EBF1: variants seen among roughly 807,000 people sequenced by gnomAD.
EBF1 encodes transcription factor COE1.
A neutral mutation model predicts 68.4 loss-of-function variants in EBF1; 10 were observed. That is an observed-to-expected ratio of 0.15 (90% confidence interval 0.09 to 0.25). EBF1 has a LOEUF of 0.25. Ranked by LOEUF, EBF1 falls within the 10% of genes least tolerant of loss-of-function variation. The pLI, the probability that EBF1 is intolerant of heterozygous loss-of-function variation, is 1.00. For missense variants in EBF1, 509 were observed against 794.4 expected (o/e 0.64, Z 4.32); for synonymous variants, 298 against 299.8 (o/e 0.99, Z 0.06).
chr5:158,962,954 C>G (rs1391627622), intron 6 of EBF1, among the ~76,000 whole-genome samples: 1 of 152,160 alleles, frequency 6.6e-6, no homozygotes, highest in Non-Finnish European at 1.5e-5. Context: ...ATAACACTGC[C>G]CTATAGACAG....
chr5:158,851,498 AG>A (rs1178020663), intron 6 of EBF1, among the ~76,000 whole-genome samples: 1 of 64,732 alleles, frequency 1.5e-5, no homozygotes, highest in Non-Finnish European at 2.9e-5. Flanking sequence ...AGGAAAGAAG[AG>A]GGGGGAGAAG....
At chr5:159,004,536 AGGT>A (rs1763183044) in intron 6 of EBF1, among the ~76,000 whole-genome samples, 1 of 22,620 alleles carries the variant, frequency 4.4e-5, no homozygotes, top group African/African-American at 1.1e-4. Context: ...GAGAGGTAGT[AGGT>A]AGGTAGGTAG....
intron 6 of EBF1, among the ~76,000 whole-genome samples, chr5:158,986,676 T>A (rs574789338): frequency 8.5e-5 from 13 of 152,282 alleles, no homozygotes; most frequent in Non-Finnish European, 1.6e-4. Flanking sequence ...AAGCTACCCA[T>A]TTGTGGACTT....
At chr5:158,820,120 G>A (rs1027989243) in intron 8 of EBF1, among the ~76,000 whole-genome samples, 4 of 152,064 alleles carry the variant, frequency 2.6e-5, no homozygotes, top group African/African-American at 9.7e-5. Flanking sequence ...GATATAAATA[G>A]AGATTTGCAG....
chr5:159,051,858 C>T (rs1158374301), intron 6 of EBF1, among the ~76,000 whole-genome samples: 2 of 152,098 alleles, frequency 1.3e-5, no homozygotes, highest in Non-Finnish European at 2.9e-5. Flanking sequence ...AAAGTCATCT[C>T]GGCCACCACC....
intron 11 of EBF1, among the ~76,000 whole-genome samples, chr5:158,728,654 C>A (rs1019120559): frequency 6.6e-6 from 1 of 152,190 alleles, no homozygotes; most frequent in Non-Finnish European, 1.5e-5. Context: ...GCCTTGACCA[C>A]CTAGGCTTAA....
At chr5:158,792,513 A>G (rs1778838631) in intron 9 of EBF1, among the ~76,000 whole-genome samples, 1 of 152,234 alleles carries the variant, frequency 6.6e-6, no homozygotes, top group African/African-American at 2.4e-5. Context: ...TTAGCTAAAA[A>G]AAGACTCTAA....
At chr5:158,820,070 A>G (rs758681042) in intron 8 of EBF1, among the ~76,000 whole-genome samples, 2 of 152,146 alleles carry the variant, frequency 1.3e-5, no homozygotes, top group African/African-American at 2.4e-5. Flanking sequence ...CAGAAAGGTG[A>G]GCCACAAAAG....
At chr5:158,725,289 C>A (rs1025261564) in intron 11 of EBF1, among the ~76,000 whole-genome samples, 1 of 152,212 alleles carries the variant, frequency 6.6e-6, no homozygotes, top group African/African-American at 2.4e-5. Context: ...GGTCCACAAC[C>A]CCTCCTTCCC....
chr5:158,712,869 G>A, intron 13 of EBF1, 101 bp downstream of exon 13: 1 of 1,174,548 alleles, frequency 8.5e-7, no homozygotes, highest in Admixed American at 3.0e-5. Flanking sequence ...TCTCCCTTTT[G>A]GGATGAAAAT....
chr5:158,900,685 A>G (rs181555983), intron 6 of EBF1, among the ~76,000 whole-genome samples: 6 of 152,362 alleles, frequency 3.9e-5, no homozygotes, highest in Non-Finnish European at 8.8e-5. Flanking sequence ...AACAATGATC[A>G]TAAAAATATC....
At chr5:159,012,011 G>T (rs1027428526) in intron 6 of EBF1, among the ~76,000 whole-genome samples, 2 of 151,956 alleles carry the variant, frequency 1.3e-5, no homozygotes, top group African/African-American at 4.8e-5. Flanking sequence ...ACATGTGGCC[G>T]GGTGCAGTGA....
At chr5:158,736,652 A>C (rs550924544) in intron 10 of EBF1, among the ~76,000 whole-genome samples, 3 of 152,330 alleles carry the variant, frequency 2.0e-5, no homozygotes, top group Admixed American at 6.5e-5. Flanking sequence ...TGACTACTCC[A>C]TATTTGAACT....
At chr5:158,882,786 C>T (rs749977542) in intron 6 of EBF1, among the ~76,000 whole-genome samples, 3 of 152,210 alleles carry the variant, frequency 2.0e-5, no homozygotes, top group Non-Finnish European at 4.4e-5. Flanking sequence ...ATTCATGGAG[C>T]AATACATGTT....
intron 6 of EBF1, among the ~76,000 whole-genome samples, chr5:158,910,050 T>C (rs1235701479): frequency 1.3e-5 from 2 of 149,054 alleles, no homozygotes; most frequent in African/African-American, 5.0e-5. Context: ...TACAATCAGA[T>C]GTATTATTTC....
At chr5:158,736,713 T>C (rs1765261888) in intron 10 of EBF1, among the ~76,000 whole-genome samples, 1 of 152,182 alleles carries the variant, frequency 6.6e-6, no homozygotes, top group Non-Finnish European at 1.5e-5. Context: ...ATTCTGGGCA[T>C]GAGAGTTATT....
chr5:158,869,218 A>C (rs1291287181), intron 6 of EBF1, among the ~76,000 whole-genome samples: 2 of 152,224 alleles, frequency 1.3e-5, no homozygotes, highest in East Asian at 1.9e-4. Context: ...AAAGATATCA[A>C]CCCAGGAGGA....
intron 6 of EBF1, among the ~76,000 whole-genome samples, chr5:158,919,070 G>A (rs1807835096): frequency 6.6e-6 from 1 of 152,074 alleles, no homozygotes; most frequent in Admixed American, 6.5e-5. Context: ...TTTTCTCCTT[G>A]GTAATTCAGC....
Position 158,897,276 on chromosome 5 carries a change from G to A in EBF1, c.555-57166C>T, listed in dbSNP as rs899555649. On this transcript the variant is annotated intron_variant, in intron 6 of 15. Transcript: ENST00000313708. ...ATCATGTCCTTTGCGGGACATGGAT[G>A]GAGCTGGAGGCCATTATCCTTAGCA... Among the ~76,000 whole-genome samples, 9 of 152,264 alleles carry A rather than the reference G, an allele frequency of 5.9e-5. No homozygotes were observed. The East Asian group carries it at 1.2e-3, about 20-fold the overall frequency.
Sources: allele counts gnomAD v4.1 joint callset (sites outside exome capture counted in the v4.1 genomes callset), GRCh38; gene constraint gnomAD v4.1.1; transcripts MANE v1.5; gene names NCBI Gene and HGNC (gene_info 2026-07-23, HGNC 2026-07-21).